The following NRG3 variants were observed in gnomAD, a reference collection of about 807,000 sequenced individuals.
NRG3 encodes the protein neuregulin 3, also known as pro-neuregulin-3, membrane-bound isoform.
Under a neutral mutation model 66.9 loss-of-function variants are expected in NRG3, and 31 were observed. The observed-to-expected ratio is 0.46, with a 90% CI of 0.35 to 0.63. The LOEUF is 0.63. NRG3 is among the 20% of genes least tolerant of loss of function. NRG3 has a pLI of 0.00. For missense variants in NRG3, 910 were observed against 878.9 expected, an observed-to-expected ratio of 1.04 and a Z score of -0.45; for synonymous variants, 393 against 359.4, an observed-to-expected ratio of 1.09 and a Z score of -1.06.
intron 1 of NRG3, among the ~76,000 whole-genome samples, chr10:82,102,719 T>A (rs2066834541): frequency 1.3e-5 from 2 of 151,622 alleles, no homozygotes; most frequent in Admixed American, 1.3e-4. Context: ...CACAGTCTAC[T>A]TAAAAGTTAA....
chr10:82,350,744 C>T (rs2083383696), intron 1 of NRG3, among the ~76,000 whole-genome samples: 2 of 152,140 alleles, frequency 1.3e-5, no homozygotes, highest in South Asian at 2.1e-4. Context: ...CTAGGAAGTG[C>T]AGTCCCAGGG....
intron 2 of NRG3, among the ~76,000 whole-genome samples, chr10:82,498,040 A>G (rs924378233): frequency 1.3e-5 from 2 of 151,690 alleles, no homozygotes; most frequent in Non-Finnish European, 2.9e-5. Context: ...TATTCTTTGG[A>G]AAAAAATGTC....
At chr10:82,716,851 A>T (rs2134452592) in intron 2 of NRG3, among the ~76,000 whole-genome samples, 1 of 152,330 alleles carries the variant, frequency 6.6e-6, no homozygotes, top group East Asian at 1.9e-4. Flanking sequence ...CTCCAAAATA[A>T]ATTATCCTGT....
Position 81,918,307 on chromosome 10 carries a change from T to C in NRG3, c.823+42144T>C, listed in dbSNP as rs1373910973. ...GGTCAAGGACTAGTTTCCCAGTGAA[T>C]TGATTTAAAGAACTGCAGTCCTCTG... On this transcript the variant is annotated intron_variant, in intron 1 of 8. Transcript: ENST00000372141. Among the ~76,000 whole-genome samples, 4 of 152,178 alleles carry C rather than the reference T, an allele frequency of 2.6e-5. No homozygotes were observed. The East Asian group carries it at 5.8e-4, about 22-fold the overall frequency.
At chr10:82,870,176 C>A (rs1434398400) in intron 4 of NRG3, among the ~76,000 whole-genome samples, 3 of 151,722 alleles carry the variant, frequency 2.0e-5, no homozygotes, top group Non-Finnish European at 2.9e-5. Flanking sequence ...CCCCACTAGT[C>A]TTTTTACTAT....
At chr10:82,613,662 A>T (rs1016173763) in intron 2 of NRG3, among the ~76,000 whole-genome samples, 12 of 151,868 alleles carry the variant, frequency 7.9e-5, no homozygotes, top group African/African-American at 2.7e-4. Context: ...ACATATTTTA[A>T]AGTGCCATTT....
At chr10:82,825,806 T>A (rs1268259451) in intron 3 of NRG3, among the ~76,000 whole-genome samples, 3 of 152,196 alleles carry the variant, frequency 2.0e-5, no homozygotes, top group Admixed American at 2.0e-4. Flanking sequence ...ATTATAAAAG[T>A]GAGCCTATTA....
chr10:82,028,648 G>A (rs2062425235), intron 1 of NRG3, among the ~76,000 whole-genome samples: 1 of 152,032 alleles, frequency 6.6e-6, no homozygotes, highest in African/African-American at 2.4e-5. Flanking sequence ...CCTCAGATCA[G>A]CACACATCTT....
intron 2 of NRG3, among the ~76,000 whole-genome samples, chr10:82,377,433 C>CAT (rs1564854097): frequency 7.4e-5 from 9 of 121,972 alleles, no homozygotes; most frequent in African/African-American, 2.5e-4. Flanking sequence ...TGTGTGTGTG[C>CAT]GCGTGTGTGT....
intron 2 of NRG3, among the ~76,000 whole-genome samples, chr10:82,530,602 T>A (rs1355091864): frequency 1.3e-5 from 2 of 151,938 alleles, no homozygotes; most frequent in Non-Finnish European, 2.9e-5. Flanking sequence ...TTGGGAAATT[T>A]TAATAAAATT....
In NRG3 at chr10:82,206,504, C is replaced by T. The variant is rs141639620; in HGVS notation, c.824-152235C>T. ...AGCCTGCCTGGAAGTGAGCATGTTG[C>T]AGGAATAGTAGTGTTATCTCTTGAG... On this transcript the variant is annotated intron_variant, in intron 1 of 8. Transcript: ENST00000372141. Among the ~76,000 whole-genome samples, 494 of 152,252 alleles carry T rather than the reference C, an allele frequency of 3.2e-3. 5 individuals are homozygous for T. Among genetic ancestry groups the T allele is most frequent in the African/African-American group, 0.011 (472 of 41,560 alleles).
chr10:82,603,873 A>G (rs1225868749), intron 2 of NRG3, among the ~76,000 whole-genome samples: 1 of 152,208 alleles, frequency 6.6e-6, no homozygotes, highest in Non-Finnish European at 1.5e-5. Context: ...TTGAAATGAA[A>G]GAATATATTT....
At chr10:82,221,591 C>A (rs1433253033) in intron 1 of NRG3, among the ~76,000 whole-genome samples, 1 of 152,102 alleles carries the variant, frequency 6.6e-6, no homozygotes, top group Admixed American at 6.6e-5. Flanking sequence ...AAAAATCAAA[C>A]CTAATGCACA....
intron 1 of NRG3, among the ~76,000 whole-genome samples, chr10:82,352,525 A>T (rs2083497092): frequency 6.6e-6 from 1 of 152,160 alleles, no homozygotes; most frequent in African/African-American, 2.4e-5. Flanking sequence ...CAGAGAAGAA[A>T]GCCTTTACTG....
At chr10:82,167,160 T>A (rs1450269999) in intron 1 of NRG3, among the ~76,000 whole-genome samples, 4 of 152,122 alleles carry the variant, frequency 2.6e-5, no homozygotes, top group Admixed American at 2.6e-4. Context: ...ATTGGTCTTA[T>A]TTTTCTGCTT....
intron 1 of NRG3, among the ~76,000 whole-genome samples, chr10:81,985,886 G>T (rs1564713567): frequency 6.6e-6 from 1 of 152,150 alleles, no homozygotes; most frequent in Admixed American, 6.5e-5. Flanking sequence ...CATAGCGTAG[G>T]TATATTTGCA....
intron 3 of NRG3, among the ~76,000 whole-genome samples, chr10:82,822,921 A>G (rs2062015845): frequency 6.6e-6 from 1 of 152,190 alleles, no homozygotes; most frequent in Non-Finnish European, 1.5e-5. Flanking sequence ...TAATCTCCTC[A>G]GTACTCTCAA....
chr10:82,177,991 C>T (rs76396670), intron 1 of NRG3, among the ~76,000 whole-genome samples: 2,583 of 152,064 alleles, frequency 0.017, 24 homozygotes, highest in Non-Finnish European at 0.024. Flanking sequence ...GTGCCCAGCC[C>T]ATGTAAATTA....
chr10:82,552,773 G>C (rs73311963), intron 2 of NRG3, among the ~76,000 whole-genome samples: 27 of 152,170 alleles, frequency 1.8e-4, no homozygotes, highest in African/African-American at 6.5e-4. Context: ...CTACATTTAT[G>C]CCCATTTTAC....
Sources: gnomAD v4.1 joint callset for allele counts (sites outside exome capture counted in the v4.1 genomes callset) on GRCh38, gnomAD v4.1.1 for gene constraint, MANE v1.5 for transcripts, NCBI Gene and HGNC (gene_info 2026-07-23, HGNC 2026-07-21) for gene names.